Variants in CRISP1 observed in about 807,000 individuals in gnomAD.
CRISP1 encodes cysteine-rich secretory protein 1.
Under a neutral mutation model 33.1 loss-of-function variants are expected in CRISP1, and 44 were observed. That is an observed-to-expected ratio of 1.33 (90% CI 1.05 to 1.71). The LOEUF (loss-of-function observed/expected upper bound fraction) is 1.71. Ranked by LOEUF, CRISP1 falls within the 40% of genes most tolerant of loss-of-function variation. The pLI, the probability that CRISP1 is intolerant of heterozygous loss-of-function variation, is 0.00. For synonymous variants in CRISP1, 103 were observed against 98.7 expected (o/e 1.04, Z -0.26); for missense variants, 390 against 301.2 (o/e 1.29, Z -2.18).
At chr6:49,841,164 C>T (rs1029508288) in intron 5 of CRISP1, among the ~76,000 whole-genome samples, 169 bp from the exon 6 acceptor site, 1 of 152,100 alleles carries the variant, frequency 6.6e-6, no homozygotes, top group East Asian at 1.9e-4. Flanking sequence ...GTCTGGATAC[C>T]ACACATGCAT....
In CRISP1 at chr6:49,838,433, T is replaced by C. The variant is rs1261876187; in HGVS notation, c.622+4A>G. On this transcript the variant is annotated splice_donor_region_variant and intron_variant, in intron 7 of 7. Transcript: ENST00000335847. ...GTAAACAAACAGAATGCAAACAAACTTACTGCAAAGTTTGTCTTCACAGTT... is the reference window on the plus strand; with the variant it reads ...GTAAACAAACAGAATGCAAACAAACCTACTGCAAAGTTTGTCTTCACAGTT... 2 of 1,608,166 alleles carry C rather than the reference T, an allele frequency of 1.2e-6. No homozygotes were observed. Among genetic ancestry groups the C allele is most frequent in the Non-Finnish European group, 1.7e-6 (2 of 1,176,050 alleles).
intron 6 of CRISP1, among the ~76,000 whole-genome samples, chr6:49,838,769 G>T (rs1398218984): frequency 6.6e-6 from 1 of 152,180 alleles, no homozygotes; most frequent in Non-Finnish European, 1.5e-5. Context: ...TCGTTGGACA[G>T]TCAAGTCCTA....
At chr6:49,850,067 G>T (rs1291792325) in intron 3 of CRISP1, among the ~76,000 whole-genome samples, 2 of 138,054 alleles carry the variant, frequency 1.4e-5, no homozygotes, top group African/African-American at 5.4e-5. Flanking sequence ...ATGGACACAG[G>T]AAGGGGAACA....
intron 1 of CRISP1, among the ~76,000 whole-genome samples, chr6:49,872,414 A>G (rs1771946364): frequency 6.6e-6 from 1 of 151,850 alleles, no homozygotes; most frequent in South Asian, 2.1e-4. Flanking sequence ...ATTAGATCCC[A>G]TTTGTCAATT....
chr6:49,859,034 GGTAA>G (rs915031296), intron 1 of CRISP1, among the ~76,000 whole-genome samples: 19 of 152,064 alleles, frequency 1.2e-4, no homozygotes, highest in African/African-American at 4.1e-4. Context: ...ACATGGAAAG[GGTAA>G]GTGAGTGACC....
intron 1 of CRISP1, among the ~76,000 whole-genome samples, chr6:49,864,066 C>T (rs187659332): frequency 6.6e-6 from 1 of 152,194 alleles, no homozygotes; most frequent in East Asian, 1.9e-4. Context: ...CAGTCTGAAG[C>T]CCTCAAGAGT....
chr6:49,871,567 A>C (rs867906302), intron 1 of CRISP1, among the ~76,000 whole-genome samples: 138 of 106,976 alleles, frequency 1.3e-3, no homozygotes, highest in Middle Eastern at 5.9e-3. Context: ...GCCCCACAAC[A>C]GGCCCCAGTG....
At position 49,866,478 on chromosome 6, in the gene CRISP1, T is replaced by C. The variant is rs542681922; in HGVS notation, c.-52A>G. 2 of 152,246 alleles carry C rather than the reference T, an allele frequency of 1.3e-5. No homozygotes were observed. Among genetic ancestry groups the C allele is most frequent in the South Asian group, 4.2e-4 (2 of 4,818 alleles). 9.4% of individuals were successfully genotyped at this position (152,246 alleles called of 1,614,324 possible). A position where few individuals can be genotyped will look rare whatever the true frequency, so the allele number is the denominator to read the frequency against. On this transcript the variant is annotated 5_prime_UTR_variant, in exon 1 of 8. Transcript: ENST00000335847. ...TGTGTCCTGATAAGAACCAAGCCTT[T>C]CTCTATGTAGTGTATTTGTGCTTTT...
At chr6:49,858,079 C>A (rs1771543733) in intron 1 of CRISP1, among the ~76,000 whole-genome samples, 1 of 152,082 alleles carries the variant, frequency 6.6e-6, no homozygotes, top group African/African-American at 2.4e-5. Context: ...TATAAGAACA[C>A]AGAAAGATTC....
intron 7 of CRISP1, among the ~76,000 whole-genome samples, chr6:49,836,564 C>A (rs902705958): frequency 6.6e-6 from 1 of 151,940 alleles, no homozygotes; most frequent in Admixed American, 6.6e-5. Context: ...GGTCTACGAT[C>A]TCCTGACCTC....
upstream of CRISP1, among the ~76,000 whole-genome samples, chr6:49,870,061 G>T (rs547734243): frequency 4.6e-5 from 7 of 152,210 alleles, no homozygotes; most frequent in Admixed American, 3.3e-4. Flanking sequence ...ATAAATTTTT[G>T]TTTTTTGTAC....
intron 1 of CRISP1, among the ~76,000 whole-genome samples, chr6:49,875,115 A>T (rs1196175526): frequency 1.3e-5 from 2 of 152,096 alleles, no homozygotes; most frequent in Non-Finnish European, 2.9e-5. Flanking sequence ...AGAGGAAGTC[A>T]AACTCTTTGT....
At chr6:49,838,634 T>TA in intron 6 of CRISP1, 109 bp from the exon 7 acceptor site, 1 of 717,794 alleles carries the variant, frequency 1.4e-6, no homozygotes, top group Non-Finnish European at 2.3e-6. Context: ...AACATTCTTG[T>TA]AAAGAACAGT....
intron 4 of CRISP1, among the ~76,000 whole-genome samples, chr6:49,847,660 C>A (rs1771223542): frequency 6.6e-6 from 1 of 151,226 alleles, no homozygotes; most frequent in African/African-American, 2.4e-5. Context: ...TTCTTTACAG[C>A]AACACAAAAA....
intron 1 of CRISP1, among the ~76,000 whole-genome samples, chr6:49,863,216 A>T (rs1285578026): frequency 2.0e-5 from 3 of 152,198 alleles, no homozygotes; most frequent in Non-Finnish European, 4.4e-5. Context: ...AAATGGGCCC[A>T]GGGTAAAAGA....
chr6:49,841,073 A>T, intron 5 of CRISP1, 78 bp from the exon 6 acceptor site: 1 of 1,270,728 alleles, frequency 7.9e-7, no homozygotes, highest in Non-Finnish European at 1.1e-6. Context: ...GTCATCCATG[A>T]TTAAAAGTAA....
At chr6:49,838,289 A>G in intron 7 of CRISP1, 148 bp downstream of exon 7, 1 of 625,904 alleles carries the variant, frequency 1.6e-6, no homozygotes, top group East Asian at 2.8e-5. Flanking sequence ...CACTCTGGCA[A>G]TTGGGGAGGG....
chr6:49,852,846 TTGTGTG>T (rs3056388), intron 2 of CRISP1, among the ~76,000 whole-genome samples: 13,015 of 145,500 alleles, frequency 0.089, 805 homozygotes, highest in African/African-American at 0.18. Context: ...AAGAGAATCT[TTGTGTG>T]TGTGTGTGTG....
chr6:49,864,302 A>G (rs1771737620), intron 1 of CRISP1, among the ~76,000 whole-genome samples: 1 of 151,508 alleles, frequency 6.6e-6, no homozygotes, highest in South Asian at 2.1e-4. Context: ...AAGAATTTTG[A>G]TTATTTTCAG....
Sources: allele counts gnomAD v4.1 joint callset (sites outside exome capture counted in the v4.1 genomes callset), GRCh38; gene constraint gnomAD v4.1.1; transcripts MANE v1.5; gene names NCBI Gene and HGNC (gene_info 2026-07-23, HGNC 2026-07-21).